LRRC3B: variants seen among roughly 807,000 people sequenced by gnomAD.
LRRC3B encodes the protein leucine-rich repeat-containing protein 3B.
A neutral mutation model predicts 12.8 loss-of-function variants in LRRC3B; 2 were observed. That is an observed-to-expected ratio of 0.16 (90% CI 0.06 to 0.49). The LOEUF (loss-of-function observed/expected upper bound fraction) is 0.49, where lower values mean the gene tolerates loss of function less well. Among genes scored for constraint, LRRC3B ranks in the 20% least tolerant of loss-of-function variants. The pLI, the probability that LRRC3B is intolerant of heterozygous loss-of-function variation, is 0.96. For missense variants in LRRC3B, 189 were observed against 319.4 expected (o/e 0.59, Z 3.11); for synonymous variants, 132 against 122.0 (o/e 1.08, Z -0.54).
chr3:26,671,950 T>C (rs1699757864), intron 1 of LRRC3B, among the ~76,000 whole-genome samples: 1 of 152,206 alleles, frequency 6.6e-6, no homozygotes, highest in African/African-American at 2.4e-5. Flanking sequence ...AAGATCTATT[T>C]AGGCGGTTGA....
intron 1 of LRRC3B, among the ~76,000 whole-genome samples, chr3:26,636,066 A>G (rs1055244606): frequency 1.3e-5 from 2 of 152,216 alleles, no homozygotes; most frequent in African/African-American, 2.4e-5. Flanking sequence ...AAAAATAAAT[A>G]CAGTCAGCAT....
intron 1 of LRRC3B, among the ~76,000 whole-genome samples, chr3:26,626,660 T>C (rs1698632421): frequency 6.6e-6 from 1 of 152,224 alleles, no homozygotes; most frequent in South Asian, 2.1e-4. Context: ...TTTTGCTTAT[T>C]TTCGTATAAA....
chr3:26,677,088 G>A (rs1168544275), intron 1 of LRRC3B, among the ~76,000 whole-genome samples: 3 of 152,156 alleles, frequency 2.0e-5, no homozygotes, highest in Non-Finnish European at 4.4e-5. Flanking sequence ...AGTCAAGAAG[G>A]TGAGTCATCA....
At chr3:26,665,054 C>T (rs1295290460) in intron 1 of LRRC3B, among the ~76,000 whole-genome samples, 2 of 151,816 alleles carry the variant, frequency 1.3e-5, no homozygotes, top group Non-Finnish European at 2.9e-5. Context: ...GCCTAAGGGC[C>T]ATCCTACCAT....
At chr3:26,636,697 C>T (rs1378108132) in intron 1 of LRRC3B, among the ~76,000 whole-genome samples, 1 of 152,066 alleles carries the variant, frequency 6.6e-6, no homozygotes, top group Non-Finnish European at 1.5e-5. Context: ...GACAACAGTG[C>T]TGAAAAATAT....
chr3:26,706,201 C>T (rs1378273214), intron 1 of LRRC3B, among the ~76,000 whole-genome samples: 1 of 152,108 alleles, frequency 6.6e-6, no homozygotes, highest in Non-Finnish European at 1.5e-5. Context: ...TTCATGATGG[C>T]TCTGCTTTCA....
At chr3:26,688,123 G>A (rs1418118678) in intron 1 of LRRC3B, among the ~76,000 whole-genome samples, 6 of 152,130 alleles carry the variant, frequency 3.9e-5, no homozygotes, top group Admixed American at 1.3e-4. Context: ...GAAAAGGGAC[G>A]AACCTATAAA....
At chr3:26,643,276 G>GTGTA (rs1246185770) in intron 1 of LRRC3B, among the ~76,000 whole-genome samples, 6 of 118,070 alleles carry the variant, frequency 5.1e-5, no homozygotes, top group Non-Finnish European at 1.9e-5. Flanking sequence ...GTGTGTGTGT[G>GTGTA]TATACATGTA....
chr3:26,662,177 T>C (rs965255433), intron 1 of LRRC3B, among the ~76,000 whole-genome samples: 2 of 152,328 alleles, frequency 1.3e-5, no homozygotes, highest in East Asian at 3.9e-4. Context: ...TGGCTATTAA[T>C]GCTAACTTGT....
chr3:26,640,232 C>T (rs966296652), intron 1 of LRRC3B, among the ~76,000 whole-genome samples: 4 of 152,082 alleles, frequency 2.6e-5, no homozygotes, highest in South Asian at 2.1e-4. Flanking sequence ...ATTCTTTTTA[C>T]GAGTGGTCCT....
chr3:26,630,531 C>T (rs575777257), intron 1 of LRRC3B, among the ~76,000 whole-genome samples: 326 of 152,128 alleles, frequency 2.1e-3, no homozygotes, highest in African/African-American at 7.5e-3. Context: ...ACTATTGTTT[C>T]GAAGTAGGAA....
At chr3:26,709,886 G>C (rs779876180) in exon 2 of LRRC3B, 1 of 1,614,008 alleles carries the variant, frequency 6.2e-7, no homozygotes. Context: ...ACTGTATCTG[G>C]ACTCCAATCA....
At chr3:26,638,802 A>G (rs1234993186) in intron 1 of LRRC3B, among the ~76,000 whole-genome samples, 2 of 152,196 alleles carry the variant, frequency 1.3e-5, no homozygotes, top group African/African-American at 2.4e-5. Context: ...GTTTTGGGGT[A>G]GGTCTGGTGT....
intron 1 of LRRC3B, among the ~76,000 whole-genome samples, chr3:26,691,101 G>A (rs368016049): frequency 9.2e-4 from 42 of 45,654 alleles, no homozygotes; most frequent in South Asian, 2.8e-3. Flanking sequence ...ATGTGTGTGT[G>A]TGTGTATATA....
At chr3:26,695,575 AACAG>A (rs1375600570) in intron 1 of LRRC3B, among the ~76,000 whole-genome samples, 5 of 152,130 alleles carry the variant, frequency 3.3e-5, no homozygotes, top group Middle Eastern at 3.2e-3. Flanking sequence ...TTTTTGCTGT[AACAG>A]ACAGTTTGAA....
chr3:26,677,605 A>G (rs927944851), intron 1 of LRRC3B, among the ~76,000 whole-genome samples: 1 of 152,202 alleles, frequency 6.6e-6, no homozygotes. Context: ...AATGGCATAG[A>G]CCTTCGAAGA....
At chr3:26,704,084 A>G (rs896576866) in intron 1 of LRRC3B, among the ~76,000 whole-genome samples, 3 of 152,094 alleles carry the variant, frequency 2.0e-5, no homozygotes, top group Admixed American at 2.0e-4. Flanking sequence ...GGAGTTAACC[A>G]TTACTAATAG....
chr3:26,708,832 A>G (rs1420486738), intron 1 of LRRC3B, among the ~76,000 whole-genome samples: 1 of 152,176 alleles, frequency 6.6e-6, no homozygotes, highest in Non-Finnish European at 1.5e-5. Context: ...TTTATTGGGA[A>G]GGGGATATGG....
At chr3:26,636,065 T>A (rs533379094) in intron 1 of LRRC3B, among the ~76,000 whole-genome samples, 20 of 152,294 alleles carry the variant, frequency 1.3e-4, no homozygotes, top group Admixed American at 1.2e-3. Context: ...CAAAAATAAA[T>A]ACAGTCAGCA....
Sources: gnomAD v4.1 joint callset for allele counts (sites outside exome capture counted in the v4.1 genomes callset) on GRCh38, gnomAD v4.1.1 for gene constraint, MANE v1.5 for transcripts, NCBI Gene and HGNC (gene_info 2026-07-23, HGNC 2026-07-21) for gene names.